Variants in RABGAP1L observed in about 807,000 individuals in gnomAD.
RABGAP1L encodes the protein RAB GTPase activating protein 1 like.
RABGAP1L carries 63 observed loss-of-function variants against 137.7 expected under a neutral mutation model. That is an observed-to-expected ratio of 0.46 (90% CI 0.37 to 0.56). The LOEUF (loss-of-function observed/expected upper bound fraction) is 0.56, where lower values mean the gene tolerates loss of function less well. Among genes scored for constraint, RABGAP1L ranks in the 20% least tolerant of loss-of-function variants. The pLI is 0.00. For synonymous variants in RABGAP1L, 431 were observed against 433.7 expected (o/e 0.99, Z 0.08); for missense variants, 1,095 against 1,244.0 (o/e 0.88, Z 1.80).
At chr1:174,865,379 C>T (rs772122969) in intron 19 of RABGAP1L, among the ~76,000 whole-genome samples, 2 of 152,076 alleles carry the variant, frequency 1.3e-5, no homozygotes, top group East Asian at 1.9e-4. Context: ...TAGTGTTAAG[C>T]GAGTCTACAT....
At chr1:174,544,896 A>T (rs777584861) in intron 13 of RABGAP1L, 34 of 199,972 alleles carry the variant, frequency 1.7e-4, no homozygotes, top group Admixed American at 6.1e-4. Flanking sequence ...CCTGGGTATC[A>T]CCAGTGGAAG....
intron 19 of RABGAP1L, among the ~76,000 whole-genome samples, chr1:174,888,706 C>G (rs1655594368): frequency 6.6e-6 from 1 of 152,046 alleles, no homozygotes; most frequent in African/African-American, 2.4e-5. Context: ...CCATGTTGGC[C>G]AGACTGGTCT....
intron 10 of RABGAP1L, 79 bp from the exon 11 acceptor site, chr1:174,304,907 G>A: frequency 7.8e-7 from 1 of 1,280,718 alleles, no homozygotes; most frequent in Non-Finnish European, 1.1e-6. Flanking sequence ...CAGCTCTTTT[G>A]AATGCATTAT....
At chr1:174,719,127 C>T (rs1681271175) in intron 17 of RABGAP1L, among the ~76,000 whole-genome samples, 2 of 152,122 alleles carry the variant, frequency 1.3e-5, no homozygotes, top group Non-Finnish European at 2.9e-5. Context: ...GCGTGAGCCA[C>T]CGCACCCGGC....
intron 10 of RABGAP1L, among the ~76,000 whole-genome samples, chr1:174,280,967 C>A (rs1675476218): frequency 6.6e-6 from 1 of 152,012 alleles, no homozygotes; most frequent in Non-Finnish European, 1.5e-5. Context: ...AAGAGTGAAG[C>A]CGCAGACCTT....
In RABGAP1L at chr1:174,962,022, A is replaced by G. The variant is rs192028239; in HGVS notation, c.2433+4473A>G. On this transcript the variant is annotated intron_variant, in intron 20 of 25. Coordinates refer to ENST00000681986, the MANE Select transcript of RABGAP1L (RefSeq NM_001366446.1). ...AAATAAATAAATAAAAATATAAAAA[A>G]AAATTAGCCAGGCGTGGTGGTGGGC... Among the ~76,000 whole-genome samples, 187 of 151,648 alleles carry G rather than the reference A, an allele frequency of 1.2e-3. 1 individual carries two copies. Among genetic ancestry groups the G allele is most frequent in the African/African-American group, 4.4e-3 (184 of 41,354 alleles).
intron 19 of RABGAP1L, chr1:174,948,766 C>G (rs1223168171): frequency 6.6e-6 from 1 of 152,058 alleles, no homozygotes; most frequent in Non-Finnish European, 1.5e-5. Flanking sequence ...TGTGCTCGAT[C>G]CATCCCAGCA....
chr1:174,750,490 A>T (rs1684263908), intron 17 of RABGAP1L, among the ~76,000 whole-genome samples: 1 of 152,220 alleles, frequency 6.6e-6, no homozygotes, highest in Non-Finnish European at 1.5e-5. Context: ...AATGAGAATC[A>T]TTGTATAGGT....
chr1:174,694,605 G>A lies in RABGAP1L; in HGVS notation c.1900-4920G>A, dbSNP rs1255163111. ...TTCTTAATCCAGTCTATCATTGTTGGACATTTGGGTTGGTTCCAAGTCTTT... is the reference window on the plus strand; with the variant it reads ...TTCTTAATCCAGTCTATCATTGTTGAACATTTGGGTTGGTTCCAAGTCTTT... On this transcript the variant is annotated intron_variant, in intron 15 of 25. Transcript: ENST00000681986. Among the ~76,000 whole-genome samples, 4 of 151,648 alleles carry A rather than the reference G, an allele frequency of 2.6e-5. No individual in the cohort carries two copies. In the East Asian group the frequency reaches 5.8e-4, roughly 22 times the overall value.
chr1:174,429,077 T>C (rs902442562), intron 13 of RABGAP1L, among the ~76,000 whole-genome samples: 4 of 152,276 alleles, frequency 2.6e-5, no homozygotes, highest in Non-Finnish European at 5.9e-5. Flanking sequence ...AATTCCTTTT[T>C]TAAAAACTAG....
chr1:174,219,084 A>T, intron 1 of RABGAP1L, 41 bp from the exon 2 acceptor site: 1 of 1,388,136 alleles, frequency 7.2e-7, no homozygotes, highest in Non-Finnish European at 9.8e-7. Flanking sequence ...TCATGTTTTT[A>T]ATCAGTAGGT....
chr1:174,762,807 CTTTTTTTTTTTT>C (rs71563260), intron 18 of RABGAP1L, among the ~76,000 whole-genome samples: 6 of 81,830 alleles, frequency 7.3e-5, no homozygotes, highest in African/African-American at 1.4e-4. Flanking sequence ...GTCTCCTTTG[CTTTTTTTTTTTT>C]TTTTTTTTTT....
intron 17 of RABGAP1L, among the ~76,000 whole-genome samples, chr1:174,706,439 A>T (rs1019834115): frequency 4.4e-4 from 67 of 152,230 alleles, no homozygotes; most frequent in Non-Finnish European, 7.8e-4. Flanking sequence ...AATCATTTTT[A>T]AAAAAACAAA....
chr1:174,605,994 T>C (rs1670762523), intron 13 of RABGAP1L, among the ~76,000 whole-genome samples: 2 of 152,234 alleles, frequency 1.3e-5, no homozygotes, highest in African/African-American at 4.8e-5. Flanking sequence ...GTGGAATTAA[T>C]GTTGCACTGA....
chr1:174,547,867 C>A, intron 13 of RABGAP1L: 1 of 1,541,020 alleles, frequency 6.5e-7, no homozygotes, highest in Non-Finnish European at 8.8e-7. Flanking sequence ...TACACCGAGA[C>A]AGACTATTCA....
chr1:174,938,616 A>G (rs993510831), intron 19 of RABGAP1L: 1 of 152,170 alleles, frequency 6.6e-6, no homozygotes, highest in Non-Finnish European at 1.5e-5. Context: ...TGCGCTAGTT[A>G]TATAGTCAGT....
chr1:174,898,745 T>C (rs954609179), intron 19 of RABGAP1L, among the ~76,000 whole-genome samples: 1 of 152,210 alleles, frequency 6.6e-6, no homozygotes, highest in African/African-American at 2.4e-5. Flanking sequence ...ATGTTAACAA[T>C]GTTTTAATAA....
chr1:174,542,033 G>C (rs1665503547), intron 13 of RABGAP1L, among the ~76,000 whole-genome samples: 1 of 152,212 alleles, frequency 6.6e-6, no homozygotes, highest in South Asian at 2.1e-4. Flanking sequence ...ATGTTCATCA[G>C]GGATATTGGT....
At chr1:174,692,817 T>A (rs1335613079) in intron 15 of RABGAP1L, among the ~76,000 whole-genome samples, 7 of 152,156 alleles carry the variant, frequency 4.6e-5, no homozygotes, top group Admixed American at 4.6e-4. Flanking sequence ...GTATATGTTG[T>A]CTCTTAAATA....
Sources: allele counts gnomAD v4.1 joint callset (sites outside exome capture counted in the v4.1 genomes callset), GRCh38; gene constraint gnomAD v4.1.1; transcripts MANE v1.5; gene names NCBI Gene and HGNC (gene_info 2026-07-23, HGNC 2026-07-21).